Variants in ADARB1 observed in about 807,000 individuals in gnomAD.
ADARB1 encodes double-stranded RNA-specific editase 1.
A neutral mutation model predicts 52.4 loss-of-function variants in ADARB1; 10 were observed. That is an observed-to-expected ratio of 0.19 (90% CI 0.12 to 0.32). The LOEUF (loss-of-function observed/expected upper bound fraction) is 0.32, where lower values mean the gene tolerates loss of function less well. Ranked by LOEUF, ADARB1 falls within the 10% of genes least tolerant of loss-of-function variation. The pLI, the probability that ADARB1 is intolerant of heterozygous loss-of-function variation, is 1.00. For synonymous variants in ADARB1, 349 were observed against 371.1 expected (o/e 0.94, Z 0.68); for missense variants, 643 against 922.3 (o/e 0.70, Z 3.92).
chr21:45,075,494 C>T (rs868509123), intron 1 of ADARB1, among the ~76,000 whole-genome samples: 3 of 152,290 alleles, frequency 2.0e-5, no homozygotes, highest in Middle Eastern at 6.8e-3. Context: ...GCGCGGGATG[C>T]TCTGCGCCGC....
intron 1 of ADARB1, among the ~76,000 whole-genome samples, chr21:45,095,975 A>G (rs889902244): frequency 1.3e-5 from 2 of 152,238 alleles, no homozygotes; most frequent in Non-Finnish European, 2.9e-5. Flanking sequence ...ATTCCAGACC[A>G]GTTGAGAGAG....
intron 2 of ADARB1, among the ~76,000 whole-genome samples, chr21:45,159,193 C>T (rs1033294789): frequency 3.3e-5 from 5 of 152,040 alleles, no homozygotes; most frequent in East Asian, 1.9e-4. Context: ...TCAATCATGA[C>T]GGAAGATGAA....
intron 2 of ADARB1, among the ~76,000 whole-genome samples, chr21:45,140,454 G>A (rs1029968949): frequency 6.6e-6 from 1 of 152,206 alleles, no homozygotes; most frequent in African/African-American, 2.4e-5. Flanking sequence ...CCCATGCCTT[G>A]TAGCTTCTGG....
At chr21:45,217,110 A>G (rs894685401) in intron 9 of ADARB1, among the ~76,000 whole-genome samples, 29 of 151,916 alleles carry the variant, frequency 1.9e-4, no homozygotes, top group African/African-American at 6.3e-4. Flanking sequence ...ATAGACATAT[A>G]TTTATATATA....
At chr21:45,079,963 A>G (rs2086090186) in intron 1 of ADARB1, among the ~76,000 whole-genome samples, 2 of 152,182 alleles carry the variant, frequency 1.3e-5, no homozygotes, top group East Asian at 1.9e-4. Context: ...GGGTCTAGCA[A>G]CGCCATTGAA....
rs746521040 is a variant in ADARB1, at chr21:45,184,988, G to T, written c.1462G>T (p.Glu488Ter). ...GCTACGGACCAAAATAGAGTCTGGT[G>T]AGGGGACGATTCCAGTGCGCTCCAA... is the stretch of plus-strand genomic sequence containing the variant. The part of the protein sequence containing the change: ...GQLRTKIESG[E>*]GTIPVRSNAS... Residue 488 changes from glutamate to a stop codon, truncating the protein, a stop_gained, in exon 8 of 11, where the codon GAG becomes TAG. Transcript: ENST00000348831. LOFTEE classifies it high-confidence loss of function. 1 of 1,614,226 alleles carries T rather than the reference G, an allele frequency of 6.2e-7. No homozygotes were observed. The highest frequency in any genetic ancestry group is 8.5e-7 in the Non-Finnish European group (1 of 1,180,030).
At chr21:45,086,282 T>C (rs2086339912) in intron 1 of ADARB1, among the ~76,000 whole-genome samples, 1 of 152,218 alleles carries the variant, frequency 6.6e-6, no homozygotes, top group Non-Finnish European at 1.5e-5. Context: ...TTTAGAATGC[T>C]CTGGGAAAAT....
chr21:45,117,771 C>T (rs187165466), intron 1 of ADARB1, among the ~76,000 whole-genome samples: 1 of 152,154 alleles, frequency 6.6e-6, no homozygotes, highest in Admixed American at 6.5e-5. Context: ...TGGTAAAAAA[C>T]ACATTGCAGC....
At chr21:45,197,596 G>A (rs1384751241) in intron 8 of ADARB1, among the ~76,000 whole-genome samples, 11 of 151,894 alleles carry the variant, frequency 7.2e-5, no homozygotes, top group African/African-American at 2.2e-4. Flanking sequence ...GTATGTCCAC[G>A]CAGACTTGTA....
intron 1 of ADARB1, among the ~76,000 whole-genome samples, chr21:45,112,549 G>C (rs2087590720): frequency 6.6e-6 from 1 of 152,070 alleles, no homozygotes; most frequent in African/African-American, 2.4e-5. Context: ...GTGAGATTCG[G>C]CTTCTGTTCT....
intron 2 of ADARB1, among the ~76,000 whole-genome samples, chr21:45,165,330 A>G (rs529893678): frequency 2.0e-5 from 3 of 152,274 alleles, no homozygotes; most frequent in South Asian, 4.1e-4. Context: ...GTAGATTCCT[A>G]TTCTCATCAA....
chr21:45,206,867 C>G (rs1299970932), intron 9 of ADARB1, among the ~76,000 whole-genome samples: 1 of 152,174 alleles, frequency 6.6e-6, no homozygotes, highest in East Asian at 1.9e-4. Context: ...AGCCACCGTG[C>G]CTGGCCTCCG....
At chr21:45,133,615 G>T in intron 2 of ADARB1, 2 of 228,034 alleles carry the variant, frequency 8.8e-6, no homozygotes, top group Non-Finnish European at 1.8e-5. Flanking sequence ...GGGGCAGGAT[G>T]CTAACACTGC....
chr21:45,217,196 T>C (rs537105594), intron 9 of ADARB1, among the ~76,000 whole-genome samples: 1 of 152,244 alleles, frequency 6.6e-6, no homozygotes, highest in South Asian at 2.1e-4. Flanking sequence ...TTAGACCATT[T>C]ACATTTATTG....
intron 8 of ADARB1, among the ~76,000 whole-genome samples, chr21:45,193,853 A>G (rs535712124): frequency 1.7e-4 from 26 of 152,246 alleles, no homozygotes; most frequent in Non-Finnish European, 2.9e-4. Context: ...GGAGAGATAC[A>G]TCATGGTCAC....
chr21:45,098,877 G>A (rs2086882207), intron 1 of ADARB1, among the ~76,000 whole-genome samples: 1 of 152,192 alleles, frequency 6.6e-6, no homozygotes, highest in African/African-American at 2.4e-5. Flanking sequence ...AACTGTCAGA[G>A]CTTATCCTTG....
intron 2 of ADARB1, among the ~76,000 whole-genome samples, chr21:45,167,478 G>A (rs775263974): frequency 5.5e-4 from 83 of 152,184 alleles, no homozygotes; most frequent in Admixed American, 8.5e-4. Context: ...AAGGCTGGGT[G>A]CGGTGACTCA....
intron 2 of ADARB1, among the ~76,000 whole-genome samples, chr21:45,155,217 G>A (rs2090493332): frequency 6.6e-6 from 1 of 152,176 alleles, no homozygotes; most frequent in African/African-American, 2.4e-5. Context: ...GGTGAACAGG[G>A]TGTGGGGACC....
In ADARB1 at chr21:45,142,832, C is replaced by T. The variant is rs143465443; in HGVS notation, c.-48+14259C>T. Among the ~76,000 whole-genome samples, 1,447 of 152,284 alleles carry T rather than the reference C, an allele frequency of 9.5e-3. 26 individuals carry two copies. Among genetic ancestry groups the T allele is most frequent in the African/African-American group, 0.031 (1,309 of 41,562 alleles). On this transcript the variant is annotated intron_variant, in intron 2 of 10. Transcript: ENST00000348831. This position sits in a 1 kb window ranked among gnomAD's most constrained non-coding sequence, Gnocchi z 4.0. ...GGCCCAGAAGGTAAGAAATTGCCTACGGCCCTTGGCTAATAGAAGAGGGAG... is the reference window on the plus strand; with the variant it reads ...GGCCCAGAAGGTAAGAAATTGCCTATGGCCCTTGGCTAATAGAAGAGGGAG...
Sources: gnomAD v4.1 joint callset for allele counts (sites outside exome capture counted in the v4.1 genomes callset) on GRCh38, gnomAD v4.1.1 for gene constraint, Gnocchi (gnomAD v3.1) non-coding constraint, MANE v1.5 for transcripts, NCBI Gene and HGNC (gene_info 2026-07-23, HGNC 2026-07-21) for gene names.